Variants in CERS6 observed in about 807,000 individuals in gnomAD.
CERS6 encodes the protein LAG1 homolog, ceramide synthase 6.
In CERS6, 26 loss-of-function variants were observed where a neutral mutation model predicts 56.8. That is an observed-to-expected ratio of 0.46 (90% CI 0.34 to 0.63). The LOEUF is 0.63. Among genes scored for constraint, CERS6 ranks in the 30% least tolerant of loss-of-function variants. CERS6 has a pLI of 0.01. For synonymous variants in CERS6, 164 were observed against 173.3 expected, an observed-to-expected ratio of 0.95 and a Z score of 0.42; for missense variants, 415 against 467.5, an observed-to-expected ratio of 0.89 and a Z score of 1.04.
At position 168,719,316 on chromosome 2, in the gene CERS6, A is replaced by G. The variant is rs1030882189; in HGVS notation, c.845+1338A>G. Among the ~76,000 whole-genome samples, 3 of 152,152 alleles carry G rather than the reference A, an allele frequency of 2.0e-5. No individual in the cohort carries two copies. In the East Asian group the frequency reaches 5.8e-4, roughly 29 times the overall value. On this transcript the variant is annotated intron_variant, in intron 8 of 9. Transcript: ENST00000305747. ...CATTTACTGGACATAGGTAATATAGATGGATTATCAATATTTAAATAGTTT... is the reference window on the plus strand; with the variant it reads ...CATTTACTGGACATAGGTAATATAGGTGGATTATCAATATTTAAATAGTTT...
chr2:168,579,412 C>T (rs1574077773), intron 3 of CERS6, among the ~76,000 whole-genome samples: 1 of 151,998 alleles, frequency 6.6e-6, no homozygotes. Context: ...TTAAAAAAAT[C>T]CTGTCTCTTA....
chr2:168,764,075 A>C (rs1468498115), intron 8 of CERS6, among the ~76,000 whole-genome samples: 1 of 151,906 alleles, frequency 6.6e-6, no homozygotes. Flanking sequence ...ACCTCAAATA[A>C]TTTTTCCTAA....
rs976674477 is a variant in CERS6 at position 168,689,751 on chromosome 2, G to A, written c.466-1283G>A. On this transcript the variant is annotated intron_variant, in intron 4 of 9. Coordinates refer to ENST00000305747, the MANE Select transcript of CERS6 (RefSeq NM_203463.3). ...AAATCAGGAGCCTAATTAAGATCTC[G>A]GAAAGAAAATGAATAGTGCTTGAAT... Among the ~76,000 whole-genome samples the A allele has an allele frequency of 2.0e-5, 3 of 152,098 alleles. 1 individual carries two copies. Among genetic ancestry groups the A allele is most frequent in the South Asian group, 4.1e-4 (2 of 4,826 alleles).
intron 8 of CERS6, among the ~76,000 whole-genome samples, chr2:168,725,432 G>C (rs1020546585): frequency 2.2e-4 from 33 of 152,270 alleles, no homozygotes; most frequent in African/African-American, 7.5e-4. Flanking sequence ...AGCGAGGGCT[G>C]TGAGGACTGC....
At chr2:168,751,631 A>C (rs946812077) in intron 8 of CERS6, among the ~76,000 whole-genome samples, 2 of 151,948 alleles carry the variant, frequency 1.3e-5, no homozygotes, top group African/African-American at 4.8e-5. Flanking sequence ...TCACACCTCC[A>C]ATCTCCTCTG....
chr2:168,579,041 T>G (rs1404120958), intron 3 of CERS6, among the ~76,000 whole-genome samples: 1 of 152,110 alleles, frequency 6.6e-6, no homozygotes, highest in African/African-American at 2.4e-5. Flanking sequence ...ACACAATAAT[T>G]CCTTCGGTTA....
At chr2:168,458,039 A>T (rs1214340481) in intron 1 of CERS6, among the ~76,000 whole-genome samples, 1 of 152,200 alleles carries the variant, frequency 6.6e-6, no homozygotes, top group Non-Finnish European at 1.5e-5. Context: ...AGTGCTGTGA[A>T]AAAATGGGTG....
intron 1 of CERS6, among the ~76,000 whole-genome samples, chr2:168,473,974 T>G (rs1694023429): frequency 6.6e-6 from 1 of 152,126 alleles, no homozygotes; most frequent in African/African-American, 2.4e-5. Flanking sequence ...AGGAGGACTG[T>G]TTGAGGCTAG....
chr2:168,479,775 AT>A (rs1390889789), intron 1 of CERS6, among the ~76,000 whole-genome samples: 1 of 151,892 alleles, frequency 6.6e-6, no homozygotes, highest in Admixed American at 6.6e-5. Flanking sequence ...CACCCAGCTA[AT>A]TTTGTATTTT....
chr2:168,637,517 A>G (rs981239279), intron 4 of CERS6, among the ~76,000 whole-genome samples: 1 of 152,112 alleles, frequency 6.6e-6, no homozygotes, highest in Admixed American at 6.6e-5. Context: ...AACACTAAAT[A>G]TGGATGTGTG....
intron 4 of CERS6, among the ~76,000 whole-genome samples, chr2:168,644,904 C>T (rs1029094138): frequency 6.6e-6 from 1 of 150,878 alleles, no homozygotes; most frequent in Non-Finnish European, 1.5e-5. Flanking sequence ...CCAGCCTGAC[C>T]AACATGGGGA....
At chr2:168,460,302 C>G (rs1261274494) in intron 1 of CERS6, among the ~76,000 whole-genome samples, 1 of 151,954 alleles carries the variant, frequency 6.6e-6, no homozygotes, top group Non-Finnish European at 1.5e-5. Context: ...TCAAGCAGTC[C>G]TCTCACCTCA....
At chr2:168,550,229 C>G (rs1276431626) in intron 2 of CERS6, among the ~76,000 whole-genome samples, 1 of 152,090 alleles carries the variant, frequency 6.6e-6, no homozygotes, top group Non-Finnish European at 1.5e-5. Context: ...AGGCTGGAGT[C>G]TAGTGGCATA....
intron 3 of CERS6, among the ~76,000 whole-genome samples, chr2:168,576,778 C>T (rs1276515032): frequency 6.6e-6 from 1 of 152,090 alleles, no homozygotes; most frequent in Non-Finnish European, 1.5e-5. Context: ...TTTTCATGAA[C>T]TGTTTGAGTG....
At chr2:168,620,062 C>CACACACACATATACATTT (rs1439012361) in intron 3 of CERS6, among the ~76,000 whole-genome samples, 1 of 70,028 alleles carries the variant, frequency 1.4e-5, no homozygotes, top group East Asian at 3.4e-4. Context: ...CACACACACA[C>CACACACACATATACATTT]ATATTTATAT....
At chr2:168,753,482 T>C (rs1426146059) in intron 8 of CERS6, among the ~76,000 whole-genome samples, 1 of 152,206 alleles carries the variant, frequency 6.6e-6, no homozygotes, top group Non-Finnish European at 1.5e-5. Context: ...GGCTTTTTGT[T>C]GTTGTTTATT....
At chr2:168,760,320 C>T (rs898440287) in intron 8 of CERS6, among the ~76,000 whole-genome samples, 10 of 152,188 alleles carry the variant, frequency 6.6e-5, no homozygotes, top group Admixed American at 3.3e-4. Context: ...AAGCATCCAG[C>T]ACGGGAGAAA....
chr2:168,576,322 C>T (rs1683268943), intron 3 of CERS6, among the ~76,000 whole-genome samples: 1 of 152,146 alleles, frequency 6.6e-6, no homozygotes, highest in Non-Finnish European at 1.5e-5. Context: ...CCAGTCTTAT[C>T]CTTTTTTGAG....
At chr2:168,727,547 CAAAA>C (rs1210219437) in intron 8 of CERS6, among the ~76,000 whole-genome samples, 3 of 87,534 alleles carry the variant, frequency 3.4e-5, no homozygotes, top group African/African-American at 4.2e-5. Context: ...GACTCCATCT[CAAAA>C]AAAAAAAAAA....
Sources: gnomAD v4.1 joint callset for allele counts (sites outside exome capture counted in the v4.1 genomes callset) on GRCh38, gnomAD v4.1.1 for gene constraint, MANE v1.5 for transcripts, NCBI Gene and HGNC (gene_info 2026-07-23, HGNC 2026-07-21) for gene names.